Variants in MCPH1 observed in about 807,000 individuals in gnomAD.
MCPH1 encodes microcephalin.
In MCPH1, 104 loss-of-function variants were observed where a neutral mutation model predicts 84.5. The observed-to-expected ratio is 1.23, with a 90% CI of 1.05 to 1.45. The LOEUF (loss-of-function observed/expected upper bound fraction) is 1.45, where lower values mean the gene tolerates loss of function less well. Ranked by LOEUF, MCPH1 falls within the 40% of genes most tolerant of loss-of-function variation. The pLI is 0.00. For synonymous variants in MCPH1, 514 were observed against 366.8 expected (o/e 1.40, Z -4.58); for missense variants, 1,498 against 1,005.7 (o/e 1.49, Z -6.62).
intron 12 of MCPH1, among the ~76,000 whole-genome samples, chr8:6,511,640 A>T (rs1815121945): frequency 6.6e-6 from 1 of 152,200 alleles, no homozygotes. Context: ...CAGTTCTCTT[A>T]TCATGCTAGC....
At chr8:6,490,573 G>GA (rs1159308136) in intron 11 of MCPH1, among the ~76,000 whole-genome samples, 1 of 152,090 alleles carries the variant, frequency 6.6e-6, no homozygotes, top group African/African-American at 2.4e-5. Context: ...TAGATTTTAG[G>GA]AAACTGTTGT....
intron 11 of MCPH1, among the ~76,000 whole-genome samples, chr8:6,495,737 C>G (rs535888983): frequency 7.8e-4 from 119 of 152,254 alleles, no homozygotes; most frequent in African/African-American, 2.8e-3. Context: ...GAGATAGTGG[C>G]AAAAACACCC....
intron 12 of MCPH1, among the ~76,000 whole-genome samples, chr8:6,531,764 T>C (rs1461078283): frequency 6.7e-6 from 1 of 150,100 alleles, no homozygotes; most frequent in African/African-American, 2.5e-5. Flanking sequence ...GTGGCGGACC[T>C]GGAGCCATGG....
chr8:6,479,045 G>A (rs1334946712), intron 10 of MCPH1, among the ~76,000 whole-genome samples: 19 of 152,212 alleles, frequency 1.2e-4, no homozygotes, highest in Admixed American at 1.2e-3. Context: ...TGGACATATT[G>A]TTTGAGCCTA....
chr8:6,556,140 G>A (rs1248682576), intron 12 of MCPH1, among the ~76,000 whole-genome samples: 1 of 151,962 alleles, frequency 6.6e-6, no homozygotes, highest in South Asian at 2.1e-4. Flanking sequence ...AACTTCTCAG[G>A]CTCACTTTTT....
intron 9 of MCPH1, among the ~76,000 whole-genome samples, chr8:6,467,168 G>A (rs1380590327): frequency 6.6e-6 from 1 of 152,152 alleles, no homozygotes; most frequent in East Asian, 1.9e-4. Context: ...CTTTTGGATA[G>A]ACTTAAGACT....
At position 6,444,711 on chromosome 8, in the gene MCPH1, A is replaced by G. The variant is rs115088000; in HGVS notation, c.989A>G (p.Tyr330Cys). 6.1e-4 allele frequency: 988 copies of G among 1,614,078 alleles called. 10 individuals are homozygous for G. The African/African-American group carries it at 0.011, about 18-fold the overall frequency. ...GMSQETFEEKYRLSPTLSSTK... is the reference protein window; with the variant it reads ...GMSQETFEEKCRLSPTLSSTK... ...TCTCAGGAGACGTTTGAAGAGAAGT[A>G]TCGTTTGTCTCCTACCTTATCTTCA... Residue 330 changes from tyrosine to cysteine, a missense_variant, in exon 8 of 14, where the codon TAT becomes TGT. Coordinates refer to ENST00000344683, the MANE Select transcript of MCPH1 (RefSeq NM_024596.5).
At chr8:6,426,750 G>A (rs1020393600) in intron 3 of MCPH1, among the ~76,000 whole-genome samples, 11 of 152,028 alleles carry the variant, frequency 7.2e-5, no homozygotes, top group South Asian at 2.1e-4. Flanking sequence ...TTCACTCCAC[G>A]TCTTCACCAA....
intron 13 of MCPH1, among the ~76,000 whole-genome samples, chr8:6,633,730 G>A (rs893118310): frequency 1.3e-5 from 2 of 152,258 alleles, no homozygotes; most frequent in Middle Eastern, 3.4e-3. Context: ...CAGGCTGGAC[G>A]CACCCAACGC....
At chr8:6,471,699 G>C (rs1351661281) in intron 9 of MCPH1, among the ~76,000 whole-genome samples, 1 of 152,136 alleles carries the variant, frequency 6.6e-6, no homozygotes, top group Non-Finnish European at 1.5e-5. Context: ...TTCTCAATGA[G>C]GGTTATAGAA....
At chr8:6,545,477 AC>A (rs1487180792) in intron 12 of MCPH1, among the ~76,000 whole-genome samples, 1 of 152,224 alleles carries the variant, frequency 6.6e-6, no homozygotes, top group Non-Finnish European at 1.5e-5. Context: ...ATCTAGGAGC[AC>A]CTAAATAATG....
chr8:6,494,652 C>T (rs550481682), intron 11 of MCPH1: 5 of 152,248 alleles, frequency 3.3e-5, no homozygotes, highest in Non-Finnish European at 7.4e-5. Flanking sequence ...ACACAAAAAG[C>T]ACATGTTGTA....
intron 2 of MCPH1, among the ~76,000 whole-genome samples, chr8:6,412,101 C>G (rs1021998038): frequency 6.6e-6 from 1 of 152,098 alleles, no homozygotes; most frequent in Non-Finnish European, 1.5e-5. Flanking sequence ...TACTGAATAC[C>G]CTAAGAGCCT....
chr8:6,456,942 T>C (rs1216198959), intron 9 of MCPH1, among the ~76,000 whole-genome samples: 1 of 152,124 alleles, frequency 6.6e-6, no homozygotes, highest in African/African-American at 2.4e-5. Flanking sequence ...GGCATATGAA[T>C]GGGAGATGGG....
intron 8 of MCPH1, among the ~76,000 whole-genome samples, chr8:6,454,527 G>A (rs1428207883): frequency 1.3e-5 from 2 of 152,320 alleles, no homozygotes; most frequent in East Asian, 3.9e-4. Context: ...TCAAATCAAA[G>A]TACACATTTC....
intron 12 of MCPH1, among the ~76,000 whole-genome samples, chr8:6,612,865 G>A (rs542340024): frequency 1.3e-5 from 2 of 152,234 alleles, no homozygotes; most frequent in Non-Finnish European, 2.9e-5. Flanking sequence ...GTGGGCGTGC[G>A]CCACTCTTTC....
chr8:6,582,074 C>T (rs1198939836), intron 12 of MCPH1, among the ~76,000 whole-genome samples: 2 of 152,182 alleles, frequency 1.3e-5, no homozygotes, highest in African/African-American at 4.8e-5. Flanking sequence ...CACTGGTCAA[C>T]ATTAGGTAAC....
At chr8:6,523,034 G>A (rs1817660399) in intron 12 of MCPH1, among the ~76,000 whole-genome samples, 1 of 150,740 alleles carries the variant, frequency 6.6e-6, no homozygotes, top group Admixed American at 6.6e-5. Context: ...GTCTCGCTCT[G>A]TCACCCAGAC....
chr8:6,479,663 C>G (rs1346899228), intron 10 of MCPH1, among the ~76,000 whole-genome samples: 1 of 151,970 alleles, frequency 6.6e-6, no homozygotes, highest in East Asian at 1.9e-4. Context: ...CACAGTGTGG[C>G]TTAGAAAGCC....
Sources: gnomAD v4.1 joint callset for allele counts (sites outside exome capture counted in the v4.1 genomes callset) on GRCh38, gnomAD v4.1.1 for gene constraint, MANE v1.5 for transcripts, NCBI Gene and HGNC (gene_info 2026-07-23, HGNC 2026-07-21) for gene names.